The following OARD1 variants were observed in gnomAD, a reference collection of about 807,000 sequenced individuals.
OARD1 encodes O-acyl-ADP-ribose deacylase 1.
In OARD1, 19 loss-of-function variants were observed where a neutral mutation model predicts 19.7. The ratio of observed to expected loss-of-function variants is 0.96; its 90% confidence interval spans 0.67 to 1.41. The LOEUF (loss-of-function observed/expected upper bound fraction) is 1.41. OARD1 is among the 40% of genes most tolerant of loss of function. OARD1 has a pLI of 0.00. For missense variants in OARD1, 190 were observed against 183.8 expected (o/e 1.03, Z -0.20); for synonymous variants, 70 against 61.8 (o/e 1.13, Z -0.62).
upstream of OARD1, among the ~76,000 whole-genome samples, chr6:41,076,387 G>A (rs539137235): frequency 1.3e-5 from 2 of 152,304 alleles, no homozygotes; most frequent in South Asian, 2.1e-4. Flanking sequence ...TCTTACTAAG[G>A]GTTGTGGTCA....
intron 1 of OARD1, chr6:41,091,589 T>C (rs1357699536): frequency 6.2e-7 from 1 of 1,614,208 alleles, no homozygotes; most frequent in Admixed American, 1.7e-5. Context: ...GAGCACAGAT[T>C]GTTCAAACAG....
upstream of OARD1, chr6:41,097,780 A>G (rs1446231384): frequency 5.2e-6 from 1 of 192,822 alleles, no homozygotes; most frequent in East Asian, 1.4e-4. Context: ...AACTGCAATC[A>G]GGAAAGCAGC....
intron 1 of OARD1, among the ~76,000 whole-genome samples, chr6:41,080,031 C>T (rs1015219294): frequency 2.0e-5 from 3 of 152,166 alleles, no homozygotes; most frequent in African/African-American, 7.2e-5. Flanking sequence ...AAGGGCCCTC[C>T]ATTCACACCA....
upstream of OARD1, among the ~76,000 whole-genome samples, chr6:41,073,235 G>C (rs1416078979): frequency 1.3e-5 from 2 of 151,644 alleles, no homozygotes; most frequent in South Asian, 2.1e-4. Flanking sequence ...AGCGGCCCCG[G>C]CCCGGGGCCT....
At chr6:41,067,566 G>A in intron 5 of OARD1, 129 bp from the exon 6 acceptor site, 1 of 605,040 alleles carries the variant, frequency 1.7e-6, no homozygotes, top group East Asian at 2.9e-5. Flanking sequence ...GGGCAACCAT[G>A]GTAGGAGTTT....
intron 1 of OARD1, chr6:41,094,600 C>A: frequency 1.3e-6 from 1 of 770,952 alleles, no homozygotes; most frequent in Non-Finnish European, 2.2e-6. Context: ...TCTGGGACTA[C>A]TCACATTCTC....
rs201816241 is a variant in OARD1 at position 41,071,251 on chromosome 6, A to G, written c.65T>C (p.Phe22Ser). 3.0e-5 allele frequency: 49 copies of G among 1,614,060 alleles called. No homozygotes were observed. In the Middle Eastern group the frequency reaches 4.9e-4, roughly 16 times the overall value. ...TAAAGAGTCTGTTTTCGGGCATGCA[A>G]AAAGGTCTCCTTTCACATAAGTGAT... Reference protein sequence around the residue: ...SRITYVKGDLFACPKTDSLAH... With the variant: ...SRITYVKGDLSACPKTDSLAH... Residue 22 changes from phenylalanine to serine, a missense_variant, in exon 3 of 6, where the codon TTT becomes TCT. Coordinates refer to ENST00000424266, the MANE Select transcript of OARD1 (RefSeq NM_001329686.2).
rs373505387 is a variant in OARD1, at chr6:41,081,174, T to G, written c.-41-9499A>C. 2.0e-4 allele frequency among the ~76,000 whole-genome samples: 31 copies of G among 152,284 alleles called. No homozygotes were observed. The East Asian group carries it at 4.4e-3, about 22-fold the overall frequency. Reference sequence around the variant, plus strand: ...AATGGTATAAGTGACAGGAAGAAATTCTTATAAGTGACATTAGAATTTATT... The same window carrying G: ...AATGGTATAAGTGACAGGAAGAAATGCTTATAAGTGACATTAGAATTTATT... On this transcript the variant is annotated intron_variant, in intron 1 of 4. Coordinates refer to the OARD1 transcript ENST00000480585.
At chr6:41,077,953 T>G (rs905917115) in intron 1 of OARD1, among the ~76,000 whole-genome samples, 29 of 152,182 alleles carry the variant, frequency 1.9e-4, no homozygotes, top group African/African-American at 6.8e-4. Context: ...TTAAATTTTG[T>G]TATATTTTTC....
intron 1 of OARD1, chr6:41,090,375 C>A: frequency 2.2e-6 from 2 of 921,146 alleles, no homozygotes; most frequent in Non-Finnish European, 3.5e-6. Context: ...AGACAACTGA[C>A]ATCTTTAGAA....
intron 1 of OARD1, among the ~76,000 whole-genome samples, chr6:41,085,501 A>G (rs894630447): frequency 1.6e-4 from 24 of 152,300 alleles, no homozygotes; most frequent in African/African-American, 3.8e-4. Flanking sequence ...CCAACCCCCC[A>G]TGAGTATATG....
Position 41,068,930 on chromosome 6 carries a change from G to A in OARD1, c.267C>T (p.His89=), listed in dbSNP as rs1380032515. 3.7e-6 allele frequency: 6 copies of A among 1,604,164 alleles called. No individual in the cohort carries two copies. The highest frequency in any genetic ancestry group is 5.1e-6 in the Non-Finnish European group (6 of 1,173,836). Residue 89 remains histidine, a synonymous_variant, in exon 5 of 6, where the codon CAC becomes CAT. Coordinates refer to ENST00000424266, the MANE Select transcript of OARD1 (RefSeq NM_001329686.2). ...YYLITKKRAS[H]KPTYENLQKS... ...TCTGTAAGTTTTCATAAGTTGGCTT[G>A]TGCGAAGCCCTTTTCTTTGTAATCT...
intron 1 of OARD1, chr6:41,092,989 T>C: frequency 4.3e-6 from 7 of 1,613,956 alleles, no homozygotes; most frequent in Non-Finnish European, 5.9e-6. Context: ...AAGAAGAGCC[T>C]CTCTACGTGA....
chr6:41,075,941 A>G (rs1050454793), upstream of OARD1, among the ~76,000 whole-genome samples: 9 of 152,202 alleles, frequency 5.9e-5, no homozygotes, highest in African/African-American at 2.2e-4. Flanking sequence ...GTACATAATT[A>G]GTGGAGAGAA....
intron 1 of OARD1, among the ~76,000 whole-genome samples, chr6:41,082,964 C>T (rs926229395): frequency 1.3e-5 from 2 of 152,138 alleles, no homozygotes; most frequent in African/African-American, 2.4e-5. Context: ...GTAGGAGGAC[C>T]TTACTATCTA....
Position 41,071,694 on chromosome 6 carries a change from A to G in OARD1, c.-41-19T>C, listed in dbSNP as rs1443554665. 7.7e-6 allele frequency: 11 copies of G among 1,435,654 alleles called. No individual in the cohort carries two copies. Among genetic ancestry groups the G allele is most frequent in the Non-Finnish European group, 1.1e-5 (11 of 1,017,400 alleles). The allele number at this position is 1,435,654 out of a possible 1,614,324, so 88.9% of individuals were successfully genotyped here. On this transcript the variant is annotated intron_variant, in intron 1 of 5. Coordinates refer to ENST00000424266, the MANE Select transcript of OARD1 (RefSeq NM_001329686.2). ...TCTTCAGCTATGAGAAGGGAAAAGG[A>G]AGTAAAAATGCTTAGGCAGCCTTAG...
intron 1 of OARD1, among the ~76,000 whole-genome samples, chr6:41,086,816 A>G (rs1764058872): frequency 1.3e-5 from 2 of 152,214 alleles, no homozygotes; most frequent in African/African-American, 4.8e-5. Context: ...AGAATGATAC[A>G]GAAAAGAAAC....
chr6:41,084,273 T>A (rs1763983452), intron 1 of OARD1: 1 of 1,473,424 alleles, frequency 6.8e-7, no homozygotes, highest in Middle Eastern at 1.9e-4. Flanking sequence ...ATTTGATAAT[T>A]GATATTGCAT....
chr6:41,074,276 G>C (rs1349432107), upstream of OARD1, among the ~76,000 whole-genome samples: 1 of 152,168 alleles, frequency 6.6e-6, no homozygotes, highest in Non-Finnish European at 1.5e-5. Context: ...TTTTCCTTAG[G>C]GTGAGAGGTT....
Sources: gnomAD v4.1 joint callset for allele counts (sites outside exome capture counted in the v4.1 genomes callset) on GRCh38, gnomAD v4.1.1 for gene constraint, MANE v1.5 for transcripts, NCBI Gene and HGNC (gene_info 2026-07-23, HGNC 2026-07-21) for gene names.